Variants in RBPMS observed in about 807,000 individuals in gnomAD.
RBPMS encodes the protein RNA binding protein, mRNA processing factor, also known as RNA-binding protein with multiple splicing.
Under a neutral mutation model 26.8 loss-of-function variants are expected in RBPMS, and 7 were observed. The ratio of observed to expected loss-of-function variants is 0.26; its 90% CI spans 0.15 to 0.49. The LOEUF is 0.49. Among genes scored for constraint, RBPMS ranks in the 20% least tolerant of loss-of-function variants. The pLI, the probability that RBPMS is intolerant of heterozygous loss-of-function variation, is 0.98. For synonymous variants in RBPMS, 96 were observed against 93.3 expected (o/e 1.03, Z -0.17); for missense variants, 186 against 250.0 (o/e 0.74, Z 1.73).
At chr8:30,431,999 A>C (rs1327421794) in intron 1 of RBPMS, among the ~76,000 whole-genome samples, 1 of 151,890 alleles carries the variant, frequency 6.6e-6, no homozygotes, top group Non-Finnish European at 1.5e-5. Context: ...ATGATGGCAT[A>C]TATCTGAGGT....
chr8:30,446,861 T>TGCGCGGG (rs1813914283), intron 1 of RBPMS: 1 of 89,004 alleles, frequency 1.1e-5, no homozygotes, highest in African/African-American at 5.0e-5. Flanking sequence ...GCGCGCGCGG[T>TGCGCGGG]GGAGGGTAGT....
At chr8:30,456,542 A>G (rs1682274655) in intron 1 of RBPMS, among the ~76,000 whole-genome samples, 1 of 152,210 alleles carries the variant, frequency 6.6e-6, no homozygotes, top group Non-Finnish European at 1.5e-5. Context: ...ACATACATAT[A>G]CAGTCTTTTA....
rs185055733 is a variant in RBPMS, at chr8:30,461,552, G to A, written c.67-13227G>A. Among the ~76,000 whole-genome samples the A allele has an allele frequency of 7.0e-3, 1,071 of 152,138 alleles. 17 individuals carry two copies. The highest frequency in any genetic ancestry group is 0.024 in the African/African-American group (1,014 of 41,494). On this transcript the variant is annotated intron_variant, in intron 1 of 8. Transcript: ENST00000397323. ...TGGAACTACAGGCGCGTGCCACCACGCCCTGCTAATTTTTTGTATTTTTTA... is the reference window on the plus strand; with the variant it reads ...TGGAACTACAGGCGCGTGCCACCACACCCTGCTAATTTTTTGTATTTTTTA...
At chr8:30,544,835 C>T in intron 6 of RBPMS, 1 of 1,531,062 alleles carries the variant, frequency 6.5e-7, no homozygotes, top group Non-Finnish European at 8.8e-7. Flanking sequence ...CTGATGTTTG[C>T]CCCAAATGAC....
chr8:30,519,169 GGCTTGGGTTTTATCT>G (rs1183667141), intron 5 of RBPMS, among the ~76,000 whole-genome samples: 1 of 151,994 alleles, frequency 6.6e-6, no homozygotes, highest in Non-Finnish European at 1.5e-5. Flanking sequence ...TGTTTTCCAT[GGCTTGGGTTTTATCT>G]GCTTGGAGGG....
At chr8:30,567,495 T>C (rs1827982421) in intron 8 of RBPMS, among the ~76,000 whole-genome samples, 1 of 152,220 alleles carries the variant, frequency 6.6e-6, no homozygotes, top group Non-Finnish European at 1.5e-5. Context: ...CTTTTCCTTT[T>C]GTCAAAGCTC....
chr8:30,455,716 C>T (rs1302073700), intron 1 of RBPMS, among the ~76,000 whole-genome samples: 1 of 152,020 alleles, frequency 6.6e-6, no homozygotes, highest in African/African-American at 2.4e-5. Flanking sequence ...GGTGAAACCC[C>T]AACTCTACTA....
chr8:30,430,719 TCTA>T (rs1259539367), intron 1 of RBPMS, among the ~76,000 whole-genome samples: 1 of 152,218 alleles, frequency 6.6e-6, no homozygotes, highest in Non-Finnish European at 1.5e-5. Context: ...TTGAGGGACA[TCTA>T]CTAACACCAT....
At chr8:30,496,830 C>A (rs1233913653) in intron 4 of RBPMS, among the ~76,000 whole-genome samples, 1 of 152,124 alleles carries the variant, frequency 6.6e-6, no homozygotes, top group Non-Finnish European at 1.5e-5. Context: ...AATAGATTAC[C>A]CAGATGCGGG....
chr8:30,480,140 A>G (rs553839346), intron 4 of RBPMS, among the ~76,000 whole-genome samples: 9 of 152,234 alleles, frequency 5.9e-5, no homozygotes, highest in Admixed American at 1.3e-4. Context: ...GGCTGGCTCC[A>G]TCATGCTCTA....
At chr8:30,551,003 C>G (rs1017140351) in intron 6 of RBPMS, among the ~76,000 whole-genome samples, 2 of 152,252 alleles carry the variant, frequency 1.3e-5, no homozygotes, top group African/African-American at 4.8e-5. Context: ...CTGGCACTTT[C>G]TTCCCACAGT....
At chr8:30,570,507 T>G (rs1348675707) in intron 8 of RBPMS, 130 bp from the exon 9 acceptor site, 1 of 152,688 alleles carries the variant, frequency 6.5e-6, no homozygotes, top group Non-Finnish European at 1.5e-5. Context: ...GCAAATATGT[T>G]CTATACACAC....
At chr8:30,432,522 A>C (rs1432901389) in intron 1 of RBPMS, among the ~76,000 whole-genome samples, 1 of 152,218 alleles carries the variant, frequency 6.6e-6, no homozygotes, top group African/African-American at 2.4e-5. Context: ...TTCATCAGTC[A>C]GGAATTATTG....
At position 30,409,631 on chromosome 8, in the gene RBPMS, TTTTTA is replaced by T. The variant is rs781025222; in HGVS notation, c.66+24488_66+24492del. Reference sequence around the variant, plus strand: ...ATATGCGTCCTAATACATTCTTTATTTTTTATTTTATTTTATTTTTGAGACGGAGT... The same window carrying T: ...ATATGCGTCCTAATACATTCTTTATTTTTTATTTTATTTTTGAGACGGAGT... On this transcript the variant is annotated intron_variant, in intron 1 of 8. Coordinates refer to ENST00000397323, the MANE Select transcript of RBPMS (RefSeq NM_001008710.3). 6.6e-5 allele frequency among the ~76,000 whole-genome samples: 10 copies of T among 152,326 alleles called. No individual in the cohort carries two copies. In the East Asian group the frequency reaches 1.9e-3, roughly 29 times the overall value.
intron 1 of RBPMS, among the ~76,000 whole-genome samples, chr8:30,434,960 T>A (rs537037957): frequency 6.6e-6 from 1 of 152,110 alleles, no homozygotes; most frequent in African/African-American, 2.4e-5. Context: ...GGAAGTGTTC[T>A]AAGACATATT....
intron 5 of RBPMS, among the ~76,000 whole-genome samples, chr8:30,519,507 G>C (rs1339025190): frequency 9.1e-6 from 1 of 109,716 alleles, no homozygotes; most frequent in African/African-American, 3.7e-5. Flanking sequence ...TTTTGGAGAC[G>C]GAGTCTCACT....
At chr8:30,531,324 C>G (rs1485514563) in intron 5 of RBPMS, among the ~76,000 whole-genome samples, 1 of 144,568 alleles carries the variant, frequency 6.9e-6, no homozygotes, top group African/African-American at 2.6e-5. Context: ...CACCAAAGAT[C>G]TGAAGTCATG....
chr8:30,446,843 G>GTGTGTGTGTA (rs1563326509), intron 1 of RBPMS: 3 of 57,868 alleles, frequency 5.2e-5, no homozygotes, highest in Non-Finnish European at 9.8e-5. Context: ...GTGTGTGTGT[G>GTGTGTGTGTA]CGCGCGCGCG....
intron 4 of RBPMS, among the ~76,000 whole-genome samples, chr8:30,493,887 A>G (rs1819654589): frequency 6.6e-6 from 1 of 152,222 alleles, no homozygotes; most frequent in Non-Finnish European, 1.5e-5. Flanking sequence ...TCATGACTTT[A>G]TAGTCATCCT....
Sources: gnomAD v4.1 joint callset for allele counts (sites outside exome capture counted in the v4.1 genomes callset) on GRCh38, gnomAD v4.1.1 for gene constraint, MANE v1.5 for transcripts, NCBI Gene and HGNC (gene_info 2026-07-23, HGNC 2026-07-21) for gene names.